The following MTHFD1L variants were observed in gnomAD, a reference collection of about 807,000 sequenced individuals.
MTHFD1L encodes monofunctional C1-tetrahydrofolate synthase, mitochondrial.
A neutral mutation model predicts 119.5 loss-of-function variants in MTHFD1L; 81 were observed. The ratio of observed to expected loss-of-function variants is 0.68; its 90% CI spans 0.57 to 0.82. The LOEUF is 0.82. MTHFD1L is among the 40% of genes least tolerant of loss of function. MTHFD1L has a pLI of 0.00. For synonymous variants in MTHFD1L, 430 were observed against 475.2 expected (o/e 0.90, Z 1.24); for missense variants, 1,125 against 1,253.4 (o/e 0.90, Z 1.55).
chr6:151,063,091 G>C (rs1790837624), intron 26 of MTHFD1L, among the ~76,000 whole-genome samples: 2 of 152,102 alleles, frequency 1.3e-5, no homozygotes, highest in Non-Finnish European at 2.9e-5. Flanking sequence ...ATTTGGCTTT[G>C]GTCTTTGGTG....
At position 150,901,123 on chromosome 6, in the gene MTHFD1L, A is replaced by G. The variant is rs139973057; in HGVS notation, c.781-4527A>G. On this transcript the variant is annotated intron_variant, in intron 7 of 27. Coordinates refer to ENST00000367321, the MANE Select transcript of MTHFD1L (RefSeq NM_015440.5). ...AACTCTTTATAGAAACTTTGCCACA[A>G]GGTAGTCTAGGAGTCCCCTTACTAC... Among the ~76,000 whole-genome samples the G allele has an allele frequency of 5.2e-3, 791 of 152,292 alleles. 3 individuals are homozygous for G. The highest frequency in any genetic ancestry group is 0.018 in the African/African-American group (755 of 41,558).
chr6:150,955,706 G>T lies in MTHFD1L; in HGVS notation c.1727-289G>T, dbSNP rs541594524. Among the ~76,000 whole-genome samples the T allele has an allele frequency of 3.5e-4, 53 of 152,098 alleles. 1 individual carries two copies. The South Asian group carries it at 0.01, about 30-fold the overall frequency. On this transcript the variant is annotated intron_variant, in intron 16 of 27. Transcript: ENST00000367321. Reference sequence around the variant, plus strand: ...GTAGAGATGGGGTTTCACCATGTTGGCCAGGCTGGTCTGGAACTCCTGACC... The same window carrying T: ...GTAGAGATGGGGTTTCACCATGTTGTCCAGGCTGGTCTGGAACTCCTGACC...
At chr6:151,072,126 G>T (rs116973535) in intron 26 of MTHFD1L, among the ~76,000 whole-genome samples, 6,395 of 152,032 alleles carry the variant, frequency 0.042, 192 homozygotes, top group Middle Eastern at 0.082. Flanking sequence ...ACCACGCCCG[G>T]CTAGTACAGA....
intron 11 of MTHFD1L, among the ~76,000 whole-genome samples, chr6:150,933,314 C>T (rs1410501782): frequency 2.0e-5 from 3 of 152,092 alleles, no homozygotes; most frequent in African/African-American, 7.2e-5. Flanking sequence ...ACACCAAATG[C>T]TCAGTGCGGT....
intron 20 of MTHFD1L, among the ~76,000 whole-genome samples, chr6:150,986,640 G>A (rs1013935751): frequency 1.3e-5 from 2 of 152,206 alleles, no homozygotes; most frequent in South Asian, 2.1e-4. Flanking sequence ...TCACTTGCCC[G>A]CTGCTCACCT....
chr6:150,993,486 A>G (rs1779331086), intron 20 of MTHFD1L, among the ~76,000 whole-genome samples: 1 of 151,922 alleles, frequency 6.6e-6, no homozygotes, highest in Non-Finnish European at 1.5e-5. Flanking sequence ...TAATTTTTGT[A>G]TTTTTATTAG....
In MTHFD1L at chr6:150,991,701, T is replaced by G. The variant is rs76883073; in HGVS notation, c.2126-18118T>G. The stretch of plus-strand genomic sequence containing the variant: ...AGTGTCAGCAGATTGTGGGCATAGT[T>G]TAGAGTCTAAGACATCTGGGGGAGA... On this transcript the variant is annotated intron_variant, in intron 20 of 27. Coordinates refer to ENST00000367321, the MANE Select transcript of MTHFD1L (RefSeq NM_015440.5). Among the ~76,000 whole-genome samples the G allele has an allele frequency of 6.6e-4, 100 of 152,310 alleles. 1 individual carries two copies. Among genetic ancestry groups the G allele is most frequent in the African/African-American group, 2.1e-3 (88 of 41,568 alleles).
At chr6:150,871,558 G>A (rs1191275723) in intron 1 of MTHFD1L, among the ~76,000 whole-genome samples, 1 of 136,408 alleles carries the variant, frequency 7.3e-6, no homozygotes, top group African/African-American at 2.8e-5. Context: ...CTGGACTGCA[G>A]TGCTGCGATC....
intron 7 of MTHFD1L, among the ~76,000 whole-genome samples, chr6:150,889,375 A>G (rs1782856133): frequency 6.6e-6 from 1 of 152,214 alleles, no homozygotes; most frequent in African/African-American, 2.4e-5. Context: ...TGGCGTTGGA[A>G]GGATAGCTTA....
rs1417174020 is a variant in MTHFD1L at position 151,017,857 on chromosome 6, C to T, written c.2586+2164C>T. Among the ~76,000 whole-genome samples the T allele has an allele frequency of 8.7e-5, 9 of 103,632 alleles. No homozygotes were observed. In the South Asian group the frequency reaches 2.2e-3, roughly 26 times the overall value. The allele number at this position is 103,632 out of a possible 152,430, so 68.0% of individuals were successfully genotyped here. On this transcript the variant is annotated intron_variant, in intron 24 of 27. Coordinates refer to ENST00000367321, the MANE Select transcript of MTHFD1L (RefSeq NM_015440.5). Reference sequence around the variant, plus strand: ...TTTTTTTTTTTTTTTTTTTTTGAGACGGAGTCTTGCTCTGTCGCCCAGGCT... The same window carrying T: ...TTTTTTTTTTTTTTTTTTTTTGAGATGGAGTCTTGCTCTGTCGCCCAGGCT...
chr6:150,969,471 G>C (rs1441024305), intron 19 of MTHFD1L, among the ~76,000 whole-genome samples: 1 of 151,144 alleles, frequency 6.6e-6, no homozygotes, highest in African/African-American at 2.4e-5. Context: ...ACTCCAGCCT[G>C]GGCGACAGAT....
chr6:151,039,616 C>T lies in MTHFD1L; in HGVS notation c.2847+2499C>T, dbSNP rs371816496. 6.6e-6 allele frequency among the ~76,000 whole-genome samples: 1 copy of T among 152,088 alleles called. No individual in the cohort carries two copies. Among genetic ancestry groups the T allele is most frequent in the South Asian group, 2.1e-4 (1 of 4,830 alleles). On this transcript the variant is annotated intron_variant, in intron 26 of 27. Coordinates refer to ENST00000367321, the MANE Select transcript of MTHFD1L (RefSeq NM_015440.5). The surrounding 1 kb of genome is among the most constrained non-coding windows in gnomAD (Gnocchi z 4.4). The stretch of plus-strand genomic sequence containing the variant: ...GGTGCTGAAGAGCTTGCTTTATATT[C>T]GTTAGAATGGCCTCAGTCAGCCGGG...
chr6:151,081,675 A>G (rs1371397015), intron 26 of MTHFD1L, among the ~76,000 whole-genome samples: 1 of 152,030 alleles, frequency 6.6e-6, no homozygotes, highest in African/African-American at 2.4e-5. Flanking sequence ...CAAAAATAAT[A>G]ATGATTTCCC....
At chr6:150,962,626 C>T (rs1190580288) in intron 18 of MTHFD1L, among the ~76,000 whole-genome samples, 2 of 152,174 alleles carry the variant, frequency 1.3e-5, no homozygotes, top group African/African-American at 2.4e-5. Context: ...TAGCAGCACA[C>T]AGAGGGTGGC....
chr6:150,985,101 G>A (rs1778088739), intron 20 of MTHFD1L: 1 of 152,224 alleles, frequency 6.6e-6, no homozygotes. Context: ...ACAAATAGAA[G>A]AGTCAGGGGT....
At chr6:150,965,593 A>C (rs1344460074) in intron 19 of MTHFD1L, among the ~76,000 whole-genome samples, 1 of 151,696 alleles carries the variant, frequency 6.6e-6, no homozygotes, top group Non-Finnish European at 1.5e-5. Flanking sequence ...CCCGGGAGGC[A>C]GAGGTTGCAG....
intron 24 of MTHFD1L, among the ~76,000 whole-genome samples, chr6:151,022,952 C>T (rs1468485220): frequency 6.6e-6 from 1 of 152,068 alleles, no homozygotes; most frequent in Non-Finnish European, 1.5e-5. Flanking sequence ...AGCCTCTTAT[C>T]CCCTGGCCCC....
chr6:150,998,488 GT>G (rs1187474125), intron 20 of MTHFD1L, among the ~76,000 whole-genome samples: 2 of 151,774 alleles, frequency 1.3e-5, no homozygotes, highest in African/African-American at 4.8e-5. Context: ...AAAGTAAAAT[GT>G]TTTTACCTTT....
intron 4 of MTHFD1L, among the ~76,000 whole-genome samples, chr6:150,878,746 G>A (rs541156496): frequency 2.6e-5 from 4 of 152,168 alleles, no homozygotes; most frequent in African/African-American, 4.8e-5. Flanking sequence ...ACAAAGAATG[G>A]GAATTTGTAG....
Sources: gnomAD v4.1 joint callset for allele counts (sites outside exome capture counted in the v4.1 genomes callset) on GRCh38, gnomAD v4.1.1 for gene constraint, Gnocchi (gnomAD v3.1) non-coding constraint, MANE v1.5 for transcripts, NCBI Gene and HGNC (gene_info 2026-07-23, HGNC 2026-07-21) for gene names.